The following TRIM24 variants were observed in gnomAD, a reference collection of about 807,000 sequenced individuals.
TRIM24 encodes transcription intermediary factor 1-alpha.
A neutral mutation model predicts 123.9 loss-of-function variants in TRIM24; 29 were observed. That is an observed-to-expected ratio of 0.23 (90% CI 0.17 to 0.32). The LOEUF is 0.32. Among genes scored for constraint, TRIM24 ranks in the 10% least tolerant of loss-of-function variants. TRIM24 has a pLI of 1.00. For synonymous variants in TRIM24, 456 were observed against 461.1 expected, an observed-to-expected ratio of 0.99 and a Z score of 0.14; for missense variants, 932 against 1,295.3, an observed-to-expected ratio of 0.72 and a Z score of 4.31.
intron 7 of TRIM24, among the ~76,000 whole-genome samples, chr7:138,544,453 T>C (rs1264060406): frequency 6.6e-6 from 1 of 152,224 alleles, no homozygotes; most frequent in Non-Finnish European, 1.5e-5. Context: ...TCTTGGCCAT[T>C]GTGAATAATG....
chr7:138,487,566 T>C (rs1795676398), intron 1 of TRIM24, among the ~76,000 whole-genome samples: 1 of 152,218 alleles, frequency 6.6e-6, no homozygotes, highest in African/African-American at 2.4e-5. Context: ...GGCTGTTGAA[T>C]TTTGTCAAAG....
Position 138,587,372 on chromosome 7 carries a change from G to C in TRIM24, c.*2421G>C, listed in dbSNP as rs1798038588. 1 of 152,010 alleles carries C rather than the reference G, an allele frequency of 6.6e-6. No homozygotes were observed. Among genetic ancestry groups the C allele is most frequent in the Admixed American group, 6.6e-5 (1 of 15,258 alleles). 9.4% of individuals were successfully genotyped at this position (152,010 alleles called of 1,614,324 possible). On this transcript the variant is annotated 3_prime_UTR_variant, in exon 19 of 19. Transcript: ENST00000343526. ...TCAAAAACAAAAAGTAAAGGTCTTG[G>C]GTTTCTCTCTGTAAATAGCCTTTGT... is the stretch of plus-strand genomic sequence containing the variant.
At chr7:138,494,681 G>A (rs1029846722) in intron 1 of TRIM24, among the ~76,000 whole-genome samples, 1 of 152,070 alleles carries the variant, frequency 6.6e-6, no homozygotes, top group African/African-American at 2.4e-5. Context: ...CACCTATCAG[G>A]CAAAAATCCA....
chr7:138,589,819 G>A lies in TRIM24; in HGVS notation c.*4868G>A, dbSNP rs1043530422. The A allele has an allele frequency of 1.3e-5, 2 of 152,122 alleles. No homozygotes were observed. Among genetic ancestry groups the A allele is most frequent in the African/African-American group, 4.8e-5 (2 of 41,422 alleles). The allele number at this position is 152,122 out of a possible 1,614,324, so 9.4% of individuals were successfully genotyped here. On this transcript the variant is annotated 3_prime_UTR_variant, in exon 19 of 19. Transcript: ENST00000343526. ...TAAAGTTTGAAAGGTTTTGATTCTT[G>A]TAATTTCTGAGAATTACTATGTTTT...
rs766890497 is a variant in TRIM24, at chr7:138,579,161, A to T, written c.2257-43A>T. The T allele has an allele frequency of 3.3e-6, 5 of 1,497,168 alleles. No individual in the cohort carries two copies. The African/African-American group carries it at 4.2e-5, about 13-fold the overall frequency. 92.7% of individuals were successfully genotyped at this position (1,497,168 alleles called of 1,614,324 possible). ...AGTTCAGAATTGCATTAGTGATAAA[A>T]TTTTTTTTAAAGCCAGTTAAATATA... is the stretch of plus-strand genomic sequence containing the variant. On this transcript the variant is annotated intron_variant, in intron 14 of 18. Coordinates refer to ENST00000343526, the MANE Select transcript of TRIM24 (RefSeq NM_015905.3).
At chr7:138,468,182 A>G (rs887985359) in intron 1 of TRIM24, among the ~76,000 whole-genome samples, 3 of 152,190 alleles carry the variant, frequency 2.0e-5, no homozygotes, top group African/African-American at 7.2e-5. Context: ...TTCTATTTTT[A>G]ATATGCTGAG....
Position 138,579,368 on chromosome 7 carries a change from T to G in TRIM24, c.2421T>G (p.Pro807=), listed in dbSNP as rs1399107890. ...SSNGKSEWLD[P]SQKSPLHVGE... Reference sequence around the variant, plus strand: ...ATGGAAAGTCTGAATGGTTGGATCCTTCCCAGAAGTCACCTCTTCATGTTG... The same window carrying G: ...ATGGAAAGTCTGAATGGTTGGATCCGTCCCAGAAGTCACCTCTTCATGTTG... The change falls in exon 15 of 19, where the codon CCT becomes CCG. Residue 807 remains proline (P), a synonymous_variant. Transcript: ENST00000343526. 1 of 1,614,038 alleles carries G rather than the reference T, an allele frequency of 6.2e-7. No individual in the cohort carries two copies. The highest frequency in any genetic ancestry group is 8.5e-7 in the Non-Finnish European group (1 of 1,180,016).
chr7:138,561,494 G>A (rs1797426667), intron 9 of TRIM24, among the ~76,000 whole-genome samples: 1 of 152,112 alleles, frequency 6.6e-6, no homozygotes. Context: ...GATAATCAAG[G>A]ATGCCATCTC....
chr7:138,584,125 C>A, intron 18 of TRIM24, 126 bp downstream of exon 18: 1 of 1,025,018 alleles, frequency 9.8e-7, no homozygotes, highest in Non-Finnish European at 1.4e-6. Context: ...CTTTTCAGAT[C>A]AGGGAATGCA....
chr7:138,580,129 A>G (rs1797862164), intron 15 of TRIM24, among the ~76,000 whole-genome samples: 1 of 152,118 alleles, frequency 6.6e-6, no homozygotes, highest in Admixed American at 6.5e-5. Context: ...GATGGTTAAG[A>G]GCCATTGGGT....
At chr7:138,567,256 C>A (rs1267280572) in intron 9 of TRIM24, among the ~76,000 whole-genome samples, 1 of 152,136 alleles carries the variant, frequency 6.6e-6, no homozygotes, top group East Asian at 1.9e-4. Context: ...AGGTGGCAAT[C>A]CCTCTCCCAA....
chr7:138,493,477 A>G (rs6467778), intron 1 of TRIM24, among the ~76,000 whole-genome samples: 122,773 of 152,224 alleles, frequency 0.81, 49,820 homozygotes, highest in African/African-American at 0.85. Context: ...CTTGTTATGT[A>G]TGTTACTGAA....
At chr7:138,524,616 A>T (rs950898506) in intron 4 of TRIM24, among the ~76,000 whole-genome samples, 6 of 152,146 alleles carry the variant, frequency 3.9e-5, no homozygotes, top group African/African-American at 1.2e-4. Flanking sequence ...AATTCTTGTT[A>T]TGTATCTTCT....
At chr7:138,490,859 T>C in intron 1 of TRIM24, 1 of 455,488 alleles carries the variant, frequency 2.2e-6, no homozygotes, top group Non-Finnish European at 4.2e-6. Flanking sequence ...AGGTCATGAT[T>C]TCCAGCATCT....
At chr7:138,571,382 T>C (rs1797653173) in intron 11 of TRIM24, among the ~76,000 whole-genome samples, 1 of 152,224 alleles carries the variant, frequency 6.6e-6, no homozygotes, top group Non-Finnish European at 1.5e-5. Flanking sequence ...TACAAGTTAA[T>C]TTTAATCCTT....
Position 138,589,396 on chromosome 7 carries a change from A to T in TRIM24, c.*4445A>T, listed in dbSNP as rs1188508295. On this transcript the variant is annotated 3_prime_UTR_variant, in exon 19 of 19. Coordinates refer to ENST00000343526, the MANE Select transcript of TRIM24 (RefSeq NM_015905.3). ...TTACTGTCAATATTTTACCACAAGG[A>T]TTTTTTAATAGAAAAATTACTGAAT... 6.6e-6 allele frequency: 1 copy of T among 152,152 alleles called. No homozygotes were observed. The highest frequency in any genetic ancestry group is 1.9e-4 in the East Asian group (1 of 5,188). 9.4% of individuals were successfully genotyped at this position (152,152 alleles called of 1,614,324 possible). A position where few individuals can be genotyped will look rare whatever the true frequency, so the allele number is the denominator to read the frequency against.
chr7:138,508,696 C>T (rs62487622), intron 2 of TRIM24, among the ~76,000 whole-genome samples: 568 of 33,380 alleles, frequency 0.017, 8 homozygotes, highest in African/African-American at 0.036. Flanking sequence ...TGTGTGTGCG[C>T]GCGCGTGTGT....
rs1453704644 is a variant in TRIM24 at position 138,525,346 on chromosome 7, G to C, written c.870G>C (p.Gln290His). The C allele has an allele frequency of 6.7e-7, 1 of 1,492,636 alleles. No individual in the cohort carries two copies. Among genetic ancestry groups the C allele is most frequent in the East Asian group, 2.5e-5 (1 of 39,450 alleles). 92.5% of individuals were successfully genotyped at this position (1,492,636 alleles called of 1,614,324 possible). A position where few individuals can be genotyped will look rare whatever the true frequency, so the allele number is the denominator to read the frequency against. The stretch of plus-strand genomic sequence containing the variant: ...AATACATAAAATTCACAGGAAATCA[G>C]ATCCAAAACAGGTAATTTTATGGTA... Reference protein sequence around the residue: ...KTKYIKFTGNQIQNRIIEVNQ... With the variant: ...KTKYIKFTGNHIQNRIIEVNQ... The change falls in exon 5 of 19, where the codon CAG becomes CAC. Residue 290 changes from glutamine to histidine, a missense_variant. By Grantham distance (24) the Gln-to-His change is conservative. This residue lies in a region of TRIM24 where 527 missense variants were observed against 691.3 expected (regional missense o/e 0.76). Coordinates refer to ENST00000343526, the MANE Select transcript of TRIM24 (RefSeq NM_015905.3).
intron 1 of TRIM24, among the ~76,000 whole-genome samples, chr7:138,499,438 C>T (rs1418581766): frequency 6.6e-6 from 1 of 152,162 alleles, no homozygotes. Context: ...CAGCAAGGGA[C>T]AGGAGAAGCT....
Sources: gnomAD v4.1 joint callset for allele counts (sites outside exome capture counted in the v4.1 genomes callset) on GRCh38, gnomAD v4.1.1 for gene constraint, gnomAD v4.1.1 regional missense constraint, MANE v1.5 for transcripts, NCBI Gene and HGNC (gene_info 2026-07-23, HGNC 2026-07-21) for gene names.